The following INF2 variants were observed in gnomAD, a reference collection of about 807,000 sequenced individuals.
INF2 encodes the protein inverted formin-2.
INF2 carries 43 observed loss-of-function variants against 123.5 expected under a neutral mutation model. That is an observed-to-expected ratio of 0.35 (90% CI 0.27 to 0.45). The LOEUF is 0.45. Among genes scored for constraint, INF2 ranks in the 20% least tolerant of loss-of-function variants. The pLI, the probability that INF2 is intolerant of heterozygous loss-of-function variation, is 1.00. For missense variants in INF2, 1,453 were observed against 1,682.7 expected, an observed-to-expected ratio of 0.86 and a Z score of 2.39; for synonymous variants, 851 against 745.0, an observed-to-expected ratio of 1.14 and a Z score of -2.32.
chr14:104,713,162 G>A, intron 18 of INF2, 45 bp from the exon 19 acceptor site: 1 of 1,580,154 alleles, frequency 6.3e-7, no homozygotes, highest in Non-Finnish European at 8.6e-7. Context: ...TGGAGCCCCT[G>A]AGGGATGCCA....
intron 2 of INF2, among the ~76,000 whole-genome samples, chr14:104,702,611 G>A (rs1334199239): frequency 5.9e-5 from 9 of 152,336 alleles, no homozygotes; most frequent in Admixed American, 2.0e-4. Flanking sequence ...CGTTTCTGTC[G>A]GACCCAGGGG....
chr14:104,683,663 T>C (rs1297119079), intron 1 of INF2, among the ~76,000 whole-genome samples: 1 of 134,198 alleles, frequency 7.5e-6, no homozygotes, highest in Non-Finnish European at 1.5e-5. Context: ...CTCCGGAGAC[T>C]TTGGAGACCT....
At chr14:104,718,267 G>A (rs531840130) in intron 22 of INF2, among the ~76,000 whole-genome samples, 1 of 152,328 alleles carries the variant, frequency 6.6e-6, no homozygotes, top group East Asian at 1.9e-4. Context: ...AGGGCCCCTG[G>A]ACCAGAAAGC....
intron 22 of INF2, chr14:104,715,643 A>G: frequency 1.7e-6 from 1 of 581,054 alleles, no homozygotes; most frequent in South Asian, 1.9e-5. Context: ...CTTAGCAAGC[A>G]GGATCCGGGC....
chr14:104,690,127 C>G (rs1292179373), intron 1 of INF2: 2 of 152,220 alleles, frequency 1.3e-5, no homozygotes, highest in Non-Finnish European at 2.9e-5. Context: ...GTCCGCCGCC[C>G]GGGTGGCACC....
upstream of INF2, among the ~76,000 whole-genome samples, chr14:104,688,755 C>A (rs1437194758): frequency 6.6e-6 from 1 of 152,158 alleles, no homozygotes; most frequent in African/African-American, 2.4e-5. Flanking sequence ...GCCAGTGGCC[C>A]CCAAACCCCA....
At chr14:104,718,501 A>C (rs4247033) in intron 22 of INF2, among the ~76,000 whole-genome samples, 1 of 151,664 alleles carries the variant, frequency 6.6e-6, no homozygotes, top group East Asian at 2.0e-4. Flanking sequence ...GGTCTCAGAC[A>C]GGGGGTGGGG....
upstream of INF2, chr14:104,689,559 C>T (rs1476757120): frequency 2.6e-5 from 24 of 927,466 alleles, no homozygotes; most frequent in Middle Eastern, 1.1e-3. Context: ...CCCACGTGGC[C>T]GCTGACGGGC....
rs778982194 is a variant in INF2 at position 104,706,953 on chromosome 14, A to G, written c.887A>G (p.Gln296Arg). The G allele has an allele frequency of 6.2e-7, 1 of 1,602,762 alleles. No individual in the cohort carries two copies. Among genetic ancestry groups the G allele is most frequent in the East Asian group, 2.2e-5 (1 of 44,848 alleles). ...TCTGCCCAGCTCCTGTCGGTGCTGC[A>G]GGGCCTCCTGCACCTGGAGCCCACC... ...PVSAQLLSVL[Q>R]GLLHLEPTLR... is the part of the protein sequence containing the mutation. Residue 296 changes from glutamine (Q) to arginine (R), a missense_variant, in exon 7 of 23, where the codon CAG becomes CGG. By Grantham distance (43) the Gln-to-Arg change is conservative. Coordinates refer to ENST00000392634, the MANE Select transcript of INF2 (RefSeq NM_022489.4).
rs780988681 is a variant in INF2, at chr14:104,713,023, T to C, written c.2775+31T>C. On this transcript the variant is annotated intron_variant, in intron 18 of 22. Transcript: ENST00000392634. ...GCAGCCCGGCGGGACACAGCCTGTC[T>C]GGCTAGAGTGGGGTCCCGAGGCCCC... The C allele has an allele frequency of 3.1e-6, 5 of 1,611,364 alleles. No individual in the cohort carries two copies. In the East Asian group the frequency reaches 1.1e-4, roughly 36 times the overall value.
At chr14:104,716,298 CG>C (rs1462281383) in intron 22 of INF2, among the ~76,000 whole-genome samples, 2 of 152,246 alleles carry the variant, frequency 1.3e-5, no homozygotes, top group African/African-American at 4.8e-5. Flanking sequence ...GTCGTGACCC[CG>C]GAGAAGCTTC....
At chr14:104,687,723 C>G (rs7155571), upstream of INF2, among the ~76,000 whole-genome samples, 4,441 of 152,272 alleles carry the variant, frequency 0.029, 106 homozygotes, top group African/African-American at 0.058. The surrounding 1 kb of genome is among the most constrained non-coding windows in gnomAD (Gnocchi z 5.6). Context: ...CTCCCTCCCC[C>G]ATCAGGGCAG....
intron 18 of INF2, 56 bp downstream of exon 18, chr14:104,713,048 C>G (rs1000351709): frequency 6.2e-7 from 1 of 1,609,426 alleles, no homozygotes; most frequent in Non-Finnish European, 8.5e-7. Flanking sequence ...CCCGAGGCCC[C>G]TGGCCTTCCT....
chr14:104,707,117 G>T lies in INF2; in HGVS notation c.985+66G>T, dbSNP rs57402537. The T allele has an allele frequency of 5.1e-4, 780 of 1,521,062 alleles. 3 individuals are homozygous for T. The highest frequency in any genetic ancestry group is 2.0e-3 in the Middle Eastern group (9 of 4,548). The allele number at this position is 1,521,062 out of a possible 1,614,324, so 94.2% of individuals were successfully genotyped here. A position where few individuals can be genotyped will look rare whatever the true frequency, so the allele number is the denominator to read the frequency against. On this transcript the variant is annotated intron_variant, in intron 7 of 22. Transcript: ENST00000392634. ...CAGACACTGAGGTCTTAGACCATGGGGGGGGGAGCCTGCCCTTGGCCCCAA... is the reference window on the plus strand; with the variant it reads ...CAGACACTGAGGTCTTAGACCATGGTGGGGGGAGCCTGCCCTTGGCCCCAA...
chr14:104,716,399 T>C (rs985970800), intron 22 of INF2, among the ~76,000 whole-genome samples: 1 of 152,224 alleles, frequency 6.6e-6, no homozygotes, highest in Non-Finnish European at 1.5e-5. Flanking sequence ...TGTGGCTCTC[T>C]GGTGTGAAGC....
chr14:104,714,425 C>T lies in INF2; in HGVS notation c.3263C>T (p.Thr1088Ile), dbSNP rs1483564458. Reference protein sequence around the residue: ...WYVDASDVLTTEDPQCPQPLE... With the variant: ...WYVDASDVLTIEDPQCPQPLE... Reference sequence around the variant, plus strand: ...GTGGATGCCAGCGATGTCCTAACCACTGAGGATCCCCAGTGCCCCCAGCCC... The same window carrying T: ...GTGGATGCCAGCGATGTCCTAACCATTGAGGATCCCCAGTGCCCCCAGCCC... Residue 1088 changes from threonine (T) to isoleucine (I), a missense_variant, in exon 21 of 23, where the codon ACT becomes ATT. Coordinates refer to ENST00000392634, the MANE Select transcript of INF2 (RefSeq NM_022489.4). 6.2e-7 allele frequency: 1 copy of T among 1,609,014 alleles called. No homozygotes were observed. Among genetic ancestry groups the T allele is most frequent in the Middle Eastern group, 1.7e-4 (1 of 6,060 alleles).
At chr14:104,691,959 A>C (rs1888973906) in intron 1 of INF2, among the ~76,000 whole-genome samples, 1 of 152,118 alleles carries the variant, frequency 6.6e-6, no homozygotes, top group African/African-American at 2.4e-5. Flanking sequence ...AGAGCAGGGC[A>C]GACCGGTGGT....
At chr14:104,712,641 AGGGT>A in intron 17 of INF2, 88 bp downstream of exon 17, 1 of 1,590,300 alleles carries the variant, frequency 6.3e-7, no homozygotes, top group Non-Finnish European at 8.6e-7. Context: ...TCCTGGCTCC[AGGGT>A]GGATCCTGGG....
In INF2 at chr14:104,707,716, CTG is replaced by C; in HGVS notation, c.1452_1453del (p.Cys484Ter). The C allele has an allele frequency of 7.7e-7, 1 of 1,297,624 alleles. No homozygotes were observed. The highest frequency in any genetic ancestry group is 1.1e-6 in the Non-Finnish European group (1 of 933,372). 80.4% of individuals were successfully genotyped at this position (1,297,624 alleles called of 1,614,324 possible). A position where few individuals can be genotyped will look rare whatever the true frequency, so the allele number is the denominator to read the frequency against. ...PPLPPPLPGS[C>X]EFLPPPPPPL... The stretch of plus-strand genomic sequence containing the variant: ...CTCTACCACCACCCCTGCCAGGCTC[CTG>C]TGAGTTCCTGCCCCCACCACCTCCA... On this transcript the variant is annotated frameshift_variant, in exon 8 of 23. Coordinates refer to ENST00000392634, the MANE Select transcript of INF2 (RefSeq NM_022489.4). LOFTEE classifies it high-confidence loss of function.
Sources: gnomAD v4.1 joint callset for allele counts (sites outside exome capture counted in the v4.1 genomes callset) on GRCh38, gnomAD v4.1.1 for gene constraint, Gnocchi (gnomAD v3.1) non-coding constraint, MANE v1.5 for transcripts, NCBI Gene and HGNC (gene_info 2026-07-23, HGNC 2026-07-21) for gene names.